Variants in GTF3C3 observed in about 807,000 individuals in gnomAD.
GTF3C3 encodes general transcription factor 3C polypeptide 3.
GTF3C3 carries 75 observed loss-of-function variants against 105.2 expected under a neutral mutation model. The observed-to-expected ratio is 0.71, with a 90% CI of 0.59 to 0.86. The LOEUF (loss-of-function observed/expected upper bound fraction) is 0.86. Among genes scored for constraint, GTF3C3 ranks in the 40% least tolerant of loss-of-function variants. The pLI is 0.00. For missense variants in GTF3C3, 856 were observed against 1,076.5 expected (o/e 0.80, Z 2.87); for synonymous variants, 335 against 370.4 (o/e 0.90, Z 1.10).
intron 9 of GTF3C3, among the ~76,000 whole-genome samples, chr2:196,779,793 C>A (rs1699316116): frequency 6.6e-6 from 1 of 152,162 alleles, no homozygotes; most frequent in South Asian, 2.1e-4. Flanking sequence ...AATCCTCCCA[C>A]CTTACCTCCC....
Position 196,773,150 on chromosome 2 carries a change from A to G in GTF3C3, c.1835T>C (p.Ile612Thr). The stretch of plus-strand genomic sequence containing the variant: ...CAAGACGCTTGTGAGCACAGCAAAT[A>G]TTGCTAAAATGAGACCAATGAAAAC... The part of the protein sequence containing the change: ...QESANCDAKA[I>T]FAVLTSVLTK... Residue 612 changes from isoleucine to threonine, a missense_variant, in exon 14 of 18, where the codon ATA becomes ACA. Ile to Thr is a moderately conservative substitution (Grantham distance 89, BLOSUM62 -1). This residue lies in a region of GTF3C3 where 605 missense variants were observed against 833.6 expected (regional missense o/e 0.73). Coordinates refer to ENST00000263956, the MANE Select transcript of GTF3C3 (RefSeq NM_012086.5). The G allele has an allele frequency of 1.3e-6, 2 of 1,577,854 alleles. No individual in the cohort carries two copies.
chr2:196,767,785 G>T (rs1430769306), intron 16 of GTF3C3, among the ~76,000 whole-genome samples: 1 of 152,068 alleles, frequency 6.6e-6, no homozygotes, highest in Non-Finnish European at 1.5e-5. Context: ...AAAATATGAG[G>T]AAAAAGGAAT....
rs1358343392 is a variant in GTF3C3, at chr2:196,770,044, AAAAT to A, written c.2261-9_2261-6del. 2.6e-6 allele frequency: 4 copies of A among 1,516,506 alleles called. No homozygotes were observed. The highest frequency in any genetic ancestry group is 3.5e-6 in the Non-Finnish European group (4 of 1,138,912). 93.9% of individuals were successfully genotyped at this position (1,516,506 alleles called of 1,614,324 possible). On this transcript the variant is annotated splice_polypyrimidine_tract_variant and splice_region_variant and intron_variant, in intron 15 of 17. Transcript: ENST00000263956. ...GAAAGGCTTGCACATACTGTCCTGG[AAAAT>A]AAGCAGTGGTGTCAGACGGTGTGAC...
At chr2:196,795,078 G>A (rs1165736179) in intron 2 of GTF3C3, among the ~76,000 whole-genome samples, 1 of 151,958 alleles carries the variant, frequency 6.6e-6, no homozygotes, top group African/African-American at 2.4e-5. Flanking sequence ...GTCTTGCTCT[G>A]TCGCCCAGGC....
Position 196,764,688 on chromosome 2 carries a change from A to G in GTF3C3, c.2539-3T>C. The G allele has an allele frequency of 1.2e-6, 2 of 1,605,430 alleles. No individual in the cohort carries two copies. Among genetic ancestry groups the G allele is most frequent in the Non-Finnish European group, 1.7e-6 (2 of 1,175,038 alleles). ...TCTAACTGGTCAAGTTCTATACCCT[A>G]GGGAGAAAAAGATACCTTTATGTTT... On this transcript the variant is annotated splice_region_variant and splice_polypyrimidine_tract_variant and intron_variant, in intron 17 of 17. Transcript: ENST00000263956.
intron 13 of GTF3C3, among the ~76,000 whole-genome samples, 182 bp from the exon 14 acceptor site, chr2:196,773,335 GCTT>G (rs980443919): frequency 2.0e-5 from 3 of 152,164 alleles, no homozygotes; most frequent in African/African-American, 4.8e-5. Flanking sequence ...AATACTATCC[GCTT>G]CTTCTCTGCC....
At position 196,780,761 on chromosome 2, in the gene GTF3C3, C is replaced by T. The variant is rs771614922; in HGVS notation, c.1115-99G>A. On this transcript the variant is annotated intron_variant, in intron 8 of 17. Transcript: ENST00000263956. ...TTATTTCATTCAAAGCAAATGATTC[C>T]ACAGTCAATTCTTAGTGTGGCCAAC... 2.6e-4 allele frequency: 367 copies of T among 1,432,376 alleles called. 1 individual carries two copies. Among genetic ancestry groups the T allele is most frequent in the South Asian group, 4.2e-4 (28 of 66,658 alleles). 88.7% of individuals were successfully genotyped at this position (1,432,376 alleles called of 1,614,324 possible).
intron 15 of GTF3C3, 115 bp downstream of exon 15, chr2:196,771,633 G>A: frequency 1.5e-6 from 1 of 647,266 alleles, no homozygotes; most frequent in East Asian, 2.7e-5. Flanking sequence ...GGCAGGAGGA[G>A]GTAGAATAAT....
At chr2:196,765,997 A>G (rs552847041) in intron 17 of GTF3C3, among the ~76,000 whole-genome samples, 410 of 139,960 alleles carry the variant, frequency 2.9e-3, no homozygotes, top group Non-Finnish European at 5.4e-3. Context: ...GCCACAGAGC[A>G]AGACTCTGTC....
rs1326449372 is a variant in GTF3C3, at chr2:196,786,001, C to G, written c.894-413G>C. On this transcript the variant is annotated intron_variant, in intron 6 of 17. Transcript: ENST00000263956. This position sits in a 1 kb window ranked among gnomAD's most constrained non-coding sequence, Gnocchi z 4.2. ...ATCCTCAGTTCTCTTGCCCTGCACTCTCTTGATCAAAATCACTCAATAAAA... is the reference window on the plus strand; with the variant it reads ...ATCCTCAGTTCTCTTGCCCTGCACTGTCTTGATCAAAATCACTCAATAAAA... Among the ~76,000 whole-genome samples the G allele has an allele frequency of 1.3e-5, 2 of 152,096 alleles. No homozygotes were observed. The highest frequency in any genetic ancestry group is 2.9e-5 in the Non-Finnish European group (2 of 68,018).
chr2:196,771,829 G>A lies in GTF3C3; in HGVS notation c.2179C>T (p.Leu727=), dbSNP rs750465325. The change falls in exon 15 of 18, where the codon CTG becomes TTG. Residue 727 remains leucine, a synonymous_variant. Transcript: ENST00000263956. ...RHHRFCLRLM[L]KNPENHALCV... ...AGGGCATGATTTTCTGGGTTTTTCA[G>A]CATCAAACGGAGACAGAAGCGATGA... 6.2e-7 allele frequency: 1 copy of A among 1,612,416 alleles called. No homozygotes were observed. The highest frequency in any genetic ancestry group is 8.5e-7 in the Non-Finnish European group (1 of 1,178,404).
chr2:196,795,046 T>C (rs1027945317), intron 2 of GTF3C3, among the ~76,000 whole-genome samples: 1 of 150,248 alleles, frequency 6.7e-6, no homozygotes, highest in Non-Finnish European at 1.5e-5. Context: ...TGTTTTGTTT[T>C]GTTTTGTTTT....
rs570309131 is a variant in GTF3C3 at position 196,776,684 on chromosome 2, C to T, written c.1391-55G>A. 1.7e-6 allele frequency: 2 copies of T among 1,171,712 alleles called. No individual in the cohort carries two copies. The highest frequency in any genetic ancestry group is 2.5e-6 in the Non-Finnish European group (2 of 803,514). The allele number at this position is 1,171,712 out of a possible 1,614,324, so 72.6% of individuals were successfully genotyped here. ...ATGAACTACAGATTTGTAAACTGGC[C>T]ACAATTACTCTTCCATTTTAAAAGA... On this transcript the variant is annotated intron_variant, in intron 10 of 17. Transcript: ENST00000263956. This position sits in a 1 kb window ranked among gnomAD's most constrained non-coding sequence, Gnocchi z 4.5.
At position 196,796,579 on chromosome 2, in the gene GTF3C3, T is replaced by C. The variant is rs567923182; in HGVS notation, c.214+1218A>G. Reference sequence around the variant, plus strand: ...TTGTTACATAGGTCAACATGTACCATGGTGGTTTGCTGCACAGATCATCCC... The same window carrying C: ...TTGTTACATAGGTCAACATGTACCACGGTGGTTTGCTGCACAGATCATCCC... On this transcript the variant is annotated intron_variant, in intron 2 of 17. Transcript: ENST00000263956. 1.3e-5 allele frequency among the ~76,000 whole-genome samples: 2 copies of C among 152,328 alleles called. 1 individual carries two copies. Among genetic ancestry groups the C allele is most frequent in the South Asian group, 4.1e-4 (2 of 4,822 alleles).
chr2:196,792,673 T>G (rs2125751144), intron 3 of GTF3C3, among the ~76,000 whole-genome samples: 1 of 152,290 alleles, frequency 6.6e-6, no homozygotes, highest in African/African-American at 2.4e-5. Context: ...GGTCTTGTTC[T>G]GACACCTAGG....
At chr2:196,782,267 G>C (rs1307014022) in intron 8 of GTF3C3, among the ~76,000 whole-genome samples, 2 of 152,194 alleles carry the variant, frequency 1.3e-5, no homozygotes, top group African/African-American at 4.8e-5. Flanking sequence ...CACCAAATCT[G>C]CTGGTGCCCT....
intron 8 of GTF3C3, among the ~76,000 whole-genome samples, chr2:196,781,631 T>C (rs1699364861): frequency 6.6e-6 from 1 of 151,782 alleles, no homozygotes; most frequent in South Asian, 2.1e-4. Context: ...GGAGCCAATC[T>C]CTCATGAACA....
intron 8 of GTF3C3, 59 bp downstream of exon 8, chr2:196,784,798 C>T (rs529976826): frequency 1.2e-5 from 18 of 1,500,100 alleles, no homozygotes; most frequent in South Asian, 7.3e-5. Flanking sequence ...CACCATAAAA[C>T]GCCACCTTAT....
At chr2:196,792,608 T>C (rs1699568836) in intron 3 of GTF3C3, among the ~76,000 whole-genome samples, 1 of 152,196 alleles carries the variant, frequency 6.6e-6, no homozygotes, top group Admixed American at 6.5e-5. Flanking sequence ...ATGAGCCACT[T>C]TGCTTTGACT....
Sources: gnomAD v4.1 joint callset for allele counts (sites outside exome capture counted in the v4.1 genomes callset) on GRCh38, gnomAD v4.1.1 for gene constraint, gnomAD v4.1.1 regional missense constraint, Gnocchi (gnomAD v3.1) non-coding constraint, MANE v1.5 for transcripts, NCBI Gene and HGNC (gene_info 2026-07-23, HGNC 2026-07-21) for gene names.